Variants in MYRIP observed in about 807,000 individuals in gnomAD.
MYRIP encodes the protein rab effector MyRIP.
MYRIP carries 49 observed loss-of-function variants against 98.0 expected under a neutral mutation model. The observed-to-expected ratio is 0.50, with a 90% CI of 0.40 to 0.63. MYRIP has a LOEUF of 0.63. MYRIP is among the 30% of genes least tolerant of loss of function. The pLI, the probability that MYRIP is intolerant of heterozygous loss-of-function variation, is 0.00. For synonymous variants in MYRIP, 404 were observed against 409.5 expected (o/e 0.99, Z 0.16); for missense variants, 1,004 against 1,058.2 (o/e 0.95, Z 0.71).
chr3:39,993,316 A>T (rs1946226862), intron 2 of MYRIP, among the ~76,000 whole-genome samples: 2 of 152,218 alleles, frequency 1.3e-5, no homozygotes, highest in African/African-American at 4.8e-5. Context: ...AGTTACAATG[A>T]TGATTGAGTT....
intron 9 of MYRIP, among the ~76,000 whole-genome samples, chr3:40,187,316 G>C (rs1951065881): frequency 6.6e-6 from 1 of 152,152 alleles, no homozygotes; most frequent in South Asian, 2.1e-4. Context: ...TCTAACCAAG[G>C]TCACCCGCTA....
At chr3:39,966,127 C>T (rs1332834629) in intron 2 of MYRIP, among the ~76,000 whole-genome samples, 2 of 152,146 alleles carry the variant, frequency 1.3e-5, no homozygotes, top group Non-Finnish European at 2.9e-5. Flanking sequence ...GTTCTGTCTT[C>T]TCTCTTGCCT....
chr3:39,826,895 T>G (rs557925718), intron 1 of MYRIP, among the ~76,000 whole-genome samples: 1 of 152,324 alleles, frequency 6.6e-6, no homozygotes, highest in East Asian at 1.9e-4. Context: ...TATAATGTTC[T>G]TTGTCTCTTT....
At chr3:40,004,899 A>G (rs575734748) in intron 2 of MYRIP, among the ~76,000 whole-genome samples, 4 of 152,242 alleles carry the variant, frequency 2.6e-5, no homozygotes, top group African/African-American at 9.6e-5. Context: ...GTTAGTAAAC[A>G]TAGTACCTGA....
At chr3:39,972,467 G>A (rs1945610805) in intron 2 of MYRIP, among the ~76,000 whole-genome samples, 1 of 151,992 alleles carries the variant, frequency 6.6e-6, no homozygotes, top group Non-Finnish European at 1.5e-5. Context: ...ACTAAACTTT[G>A]TTATGATTCT....
chr3:39,854,604 T>G (rs774893509), intron 1 of MYRIP, among the ~76,000 whole-genome samples: 8 of 152,198 alleles, frequency 5.3e-5, no homozygotes, highest in Non-Finnish European at 4.4e-5. Context: ...TCTCCTTGAA[T>G]AGCTTAATAA....
chr3:40,194,813 A>G, intron 10 of MYRIP, among the ~76,000 whole-genome samples: 1 of 152,206 alleles, frequency 6.6e-6, no homozygotes, highest in East Asian at 1.9e-4. Context: ...CATTGTGTTG[A>G]TATTGTAAAT....
chr3:40,027,762 A>G (rs1465345932), intron 2 of MYRIP, among the ~76,000 whole-genome samples: 1 of 152,088 alleles, frequency 6.6e-6, no homozygotes, highest in Non-Finnish European at 1.5e-5. Context: ...TAGGTGCCTA[A>G]TAAGTGTGAA....
chr3:39,837,247 T>C (rs1379240314), intron 1 of MYRIP, among the ~76,000 whole-genome samples: 1 of 152,234 alleles, frequency 6.6e-6, no homozygotes, highest in Non-Finnish European at 1.5e-5. Flanking sequence ...ATTTTGGCTT[T>C]TGTTGCCATT....
intron 2 of MYRIP, among the ~76,000 whole-genome samples, chr3:39,904,966 G>A (rs527804624): frequency 6.6e-6 from 1 of 152,256 alleles, no homozygotes; most frequent in African/African-American, 2.4e-5. Context: ...GATACTGGAG[G>A]TGAGGACTTA....
At position 40,130,961 on chromosome 3, in the gene MYRIP, C is replaced by T. The variant is rs115429548; in HGVS notation, c.333-20087C>T. Among the ~76,000 whole-genome samples the T allele has an allele frequency of 6.5e-3, 984 of 152,220 alleles. 4 individuals carry two copies. Among genetic ancestry groups the T allele is most frequent in the Non-Finnish European group, 0.01 (714 of 68,004 alleles). On this transcript the variant is annotated intron_variant, in intron 3 of 16. Transcript: ENST00000302541. ...TGAGCTCACTGGGGTAGCACTTGGT[C>T]TTAGTCACCTTCATAACCCCAGTAT...
intron 2 of MYRIP, among the ~76,000 whole-genome samples, chr3:39,946,077 C>T (rs1944894460): frequency 6.6e-6 from 1 of 151,866 alleles, no homozygotes; most frequent in Non-Finnish European, 1.5e-5. Flanking sequence ...TCTAAGAAAG[C>T]TTTGATCCCT....
chr3:39,829,107 G>A (rs1941357256), intron 1 of MYRIP, among the ~76,000 whole-genome samples: 1 of 152,136 alleles, frequency 6.6e-6, no homozygotes, highest in South Asian at 2.1e-4. Flanking sequence ...GTGTAGAAGT[G>A]TTCTGTGATC....
At chr3:40,234,992 C>CAAA (rs34515561) in intron 12 of MYRIP, among the ~76,000 whole-genome samples, 10 of 111,558 alleles carry the variant, frequency 9.0e-5, no homozygotes, top group South Asian at 2.9e-4. Context: ...GACCCTGTCT[C>CAAA]AAAAAAAAAA....
intron 1 of MYRIP, among the ~76,000 whole-genome samples, chr3:39,898,186 CT>C (rs1158470690): frequency 6.6e-6 from 1 of 152,146 alleles, no homozygotes; most frequent in African/African-American, 2.4e-5. Context: ...CATTAGGTTT[CT>C]TCCTGCCCTC....
At chr3:40,038,333 A>T (rs534236237) in intron 2 of MYRIP, among the ~76,000 whole-genome samples, 98 of 152,276 alleles carry the variant, frequency 6.4e-4, no homozygotes, top group Non-Finnish European at 1.2e-3. Context: ...TACTTTAAAA[A>T]ATTTTACTTG....
intron 2 of MYRIP, among the ~76,000 whole-genome samples, chr3:39,936,444 G>T (rs962793939): frequency 1.3e-5 from 2 of 152,128 alleles, no homozygotes; most frequent in South Asian, 2.1e-4. Context: ...GACCACGAAG[G>T]CCAACTCCAT....
chr3:40,111,564 G>A (rs1949157811), intron 3 of MYRIP, among the ~76,000 whole-genome samples: 1 of 152,044 alleles, frequency 6.6e-6, no homozygotes, highest in African/African-American at 2.4e-5. Flanking sequence ...TATGTTGATG[G>A]GACTGATGAG....
chr3:40,086,148 CAGA>C (rs1408957751), intron 3 of MYRIP, among the ~76,000 whole-genome samples: 1 of 152,134 alleles, frequency 6.6e-6, no homozygotes, highest in Non-Finnish European at 1.5e-5. Context: ...GAAACAGTAG[CAGA>C]AGAAACTGCT....
Sources: allele counts gnomAD v4.1 joint callset (sites outside exome capture counted in the v4.1 genomes callset), GRCh38; gene constraint gnomAD v4.1.1; transcripts MANE v1.5; gene names NCBI Gene and HGNC (gene_info 2026-07-23, HGNC 2026-07-21).